KSR1: variants seen among roughly 807,000 people sequenced by gnomAD.
The protein encoded by KSR1 is kinase suppressor of ras 1.
In KSR1, 35 loss-of-function variants were observed where a neutral mutation model predicts 92.9. That is an observed-to-expected ratio of 0.38 (90% CI 0.29 to 0.50). The LOEUF (loss-of-function observed/expected upper bound fraction) is 0.50, where lower values mean the gene tolerates loss of function less well. Among genes scored for constraint, KSR1 ranks in the 20% least tolerant of loss-of-function variants. The probability of loss-of-function intolerance (pLI) is 0.94; values close to 1 mark genes in which losing one functional copy is unlikely to be tolerated. For synonymous variants in KSR1, 467 were observed against 472.6 expected, an observed-to-expected ratio of 0.99 and a Z score of 0.15; for missense variants, 972 against 1,158.5, an observed-to-expected ratio of 0.84 and a Z score of 2.34.
chr17:27,505,279 G>A (rs562992936), intron 1 of KSR1, among the ~76,000 whole-genome samples: 7 of 152,266 alleles, frequency 4.6e-5, no homozygotes, highest in African/African-American at 1.7e-4. Flanking sequence ...ACTCGTTGTG[G>A]GCTCTACAGT....
At chr17:27,498,843 G>A (rs961467829) in intron 1 of KSR1, among the ~76,000 whole-genome samples, 20 of 152,182 alleles carry the variant, frequency 1.3e-4, no homozygotes, top group African/African-American at 4.6e-4. Flanking sequence ...TGGCTTTGAT[G>A]GAGACTCTTA....
intron 2 of KSR1, among the ~76,000 whole-genome samples, chr17:27,567,417 C>G (rs542986914): frequency 6.6e-6 from 1 of 152,158 alleles, no homozygotes; most frequent in Non-Finnish European, 1.5e-5. Flanking sequence ...ATAGTGAAAC[C>G]TCGTCTCTTT....
At chr17:27,531,272 G>T (rs1228522192) in intron 1 of KSR1, among the ~76,000 whole-genome samples, 1 of 152,254 alleles carries the variant, frequency 6.6e-6, no homozygotes, top group Non-Finnish European at 1.5e-5. Context: ...TGTGCACAAA[G>T]GTGCAGAGTC....
rs375362123 is a variant in KSR1, at chr17:27,604,683, C to T, written c.1569C>T (p.Leu523=). Residue 523 remains leucine, a synonymous_variant, in exon 13 of 21, where the codon CTC becomes CTT. Coordinates refer to ENST00000644974, the MANE Select transcript of KSR1 (RefSeq NM_001394583.1). ...PLPEAADGTR[L]DDQPKADVLE... is the part of the protein sequence containing the mutation. ...GACAAACCTTGTTTACTCTTAGGCT[C>T]GATGACCAGCCGAAAGCAGATGTGT... 235 of 1,613,860 alleles carry T rather than the reference C, an allele frequency of 1.5e-4. No individual in the cohort carries two copies. The highest frequency in any genetic ancestry group is 1.9e-4 in the Non-Finnish European group (224 of 1,179,864).
At chr17:27,510,681 C>A (rs1471763902) in intron 1 of KSR1, among the ~76,000 whole-genome samples, 1 of 152,242 alleles carries the variant, frequency 6.6e-6, no homozygotes, top group Admixed American at 6.5e-5. Flanking sequence ...CCGTTCAGAG[C>A]AGATGCTCTC....
chr17:27,593,417 C>G (rs2073234444), intron 9 of KSR1, among the ~76,000 whole-genome samples: 1 of 152,192 alleles, frequency 6.6e-6, no homozygotes, highest in African/African-American at 2.4e-5. Context: ...ACCTGCAGCC[C>G]CAGACCAGGG....
At chr17:27,466,774 C>T (rs2019719550) in intron 1 of KSR1, among the ~76,000 whole-genome samples, 1 of 152,258 alleles carries the variant, frequency 6.6e-6, no homozygotes, top group Admixed American at 6.5e-5. Context: ...TCTTTCTGGC[C>T]TCTTGGCCAA....
At chr17:27,574,189 G>A (rs575016212) in intron 2 of KSR1, among the ~76,000 whole-genome samples, 103 of 152,310 alleles carry the variant, frequency 6.8e-4, no homozygotes, top group African/African-American at 2.3e-3. Flanking sequence ...TGACGGTATC[G>A]CCAAGGTGCT....
rs889305020 is a variant in KSR1, at chr17:27,604,744, A to G, written c.1614+16A>G. On this transcript the variant is annotated intron_variant, in intron 13 of 20. Coordinates refer to ENST00000644974, the MANE Select transcript of KSR1 (RefSeq NM_001394583.1). ...CGAAGCGGAGGTGAGGGTGACACAC[A>G]CGTGTCCACAGATGGCCCCCCCTCT... 1.2e-6 allele frequency: 2 copies of G among 1,613,486 alleles called. No homozygotes were observed. Among genetic ancestry groups the G allele is most frequent in the East Asian group, 2.2e-5 (1 of 44,874 alleles).
At chr17:27,525,254 G>A (rs2070213353) in intron 1 of KSR1, among the ~76,000 whole-genome samples, 1 of 152,252 alleles carries the variant, frequency 6.6e-6, no homozygotes, top group South Asian at 2.1e-4. Context: ...GTTGTGCACT[G>A]CACAAGGGGG....
At chr17:27,508,709 T>TTTATTTA (rs1555572324) in intron 1 of KSR1, among the ~76,000 whole-genome samples, 15,901 of 138,208 alleles carry the variant, frequency 0.12, 984 homozygotes, top group Non-Finnish European at 0.13. Flanking sequence ...CCTGAATTTT[T>TTTATTTA]TTTATTTATT....
Position 27,623,192 on chromosome 17 carries a change from CAG to C in KSR1, c.2709-121_2709-120del, listed in dbSNP as rs1213753841. 1.4e-5 allele frequency: 10 copies of C among 695,430 alleles called. No homozygotes were observed. The East Asian group carries it at 2.7e-4, about 19-fold the overall frequency. The allele number at this position is 695,430 out of a possible 1,614,324, so 43.1% of individuals were successfully genotyped here. ...AGCTCTGCCAGGGCTGTTGGCCAATCAGTCATTTTCATTTCTTGTTGGAGGCC... is the reference window on the plus strand; with the variant it reads ...AGCTCTGCCAGGGCTGTTGGCCAATCTCATTTTCATTTCTTGTTGGAGGCC... On this transcript the variant is annotated intron_variant, in intron 20 of 20. Transcript: ENST00000644974.
chr17:27,494,133 C>T (rs767635408), intron 1 of KSR1, among the ~76,000 whole-genome samples: 17 of 152,018 alleles, frequency 1.1e-4, no homozygotes, highest in Non-Finnish European at 2.2e-4. Flanking sequence ...TCTCCCACTC[C>T]GCTGTCTGAC....
rs115959781 is a variant in KSR1, at chr17:27,562,326, A to C, written c.372+11618A>C. Among the ~76,000 whole-genome samples the C allele has an allele frequency of 2.4e-3, 364 of 152,374 alleles. 3 individuals are homozygous for C. Among genetic ancestry groups the C allele is most frequent in the African/African-American group, 8.3e-3 (345 of 41,596 alleles). On this transcript the variant is annotated intron_variant, in intron 2 of 20. Coordinates refer to ENST00000644974, the MANE Select transcript of KSR1 (RefSeq NM_001394583.1). The stretch of plus-strand genomic sequence containing the variant: ...ATTGGATTCAAATAACATTATCCAA[A>C]GAATTTTGGTCTCTTGGCCCAAGGC...
At position 27,572,532 on chromosome 17, in the gene KSR1, C is replaced by T. The variant is rs1186287404; in HGVS notation, c.373-4960C>T. ...TATGGGCAGAGAGAGGGGCCTTTTG[C>T]CCTTGGCTTTGAGACAACTTAGCAT... On this transcript the variant is annotated intron_variant, in intron 2 of 20. Transcript: ENST00000644974. Among the ~76,000 whole-genome samples, 8 of 152,190 alleles carry T rather than the reference C, an allele frequency of 5.3e-5. No homozygotes were observed. The East Asian group carries it at 1.5e-3, about 29-fold the overall frequency.
intron 9 of KSR1, among the ~76,000 whole-genome samples, chr17:27,593,489 G>A (rs1343425068): frequency 6.6e-6 from 1 of 152,256 alleles, no homozygotes; most frequent in Non-Finnish European, 1.5e-5. Context: ...GGCTGGCCAT[G>A]TGGCTCAGGC....
At chr17:27,530,607 C>G (rs1432021798) in intron 1 of KSR1, among the ~76,000 whole-genome samples, 3 of 152,158 alleles carry the variant, frequency 2.0e-5, no homozygotes, top group Non-Finnish European at 4.4e-5. Flanking sequence ...AGCACCAGCA[C>G]CCTCCCTTTT....
chr17:27,610,368 C>T (rs924271243), intron 17 of KSR1, among the ~76,000 whole-genome samples, 170 bp downstream of exon 17: 2 of 152,136 alleles, frequency 1.3e-5, no homozygotes, highest in African/African-American at 4.8e-5. Context: ...GGTCTTGAGT[C>T]CTGGCTCTGC....
At chr17:27,620,342 C>T (rs1481858785) in intron 19 of KSR1, among the ~76,000 whole-genome samples, 1 of 152,184 alleles carries the variant, frequency 6.6e-6, no homozygotes, top group African/African-American at 2.4e-5. Context: ...TGGCCGAGGC[C>T]AGGGTTCCAC....
Sources: allele counts gnomAD v4.1 joint callset (sites outside exome capture counted in the v4.1 genomes callset), GRCh38; gene constraint gnomAD v4.1.1; transcripts MANE v1.5; gene names NCBI Gene and HGNC (gene_info 2026-07-23, HGNC 2026-07-21).